CEPT1: variants seen among roughly 807,000 people sequenced by gnomAD.
CEPT1 encodes the protein choline/ethanolaminephosphotransferase 1.
CEPT1 carries 7 observed loss-of-function variants against 42.6 expected under a neutral mutation model. The observed-to-expected ratio is 0.16, with a 90% CI of 0.09 to 0.31. CEPT1 has a LOEUF of 0.31. Among genes scored for constraint, CEPT1 ranks in the 10% least tolerant of loss-of-function variants. The pLI, the probability that CEPT1 is intolerant of heterozygous loss-of-function variation, is 1.00. For missense variants in CEPT1, 306 were observed against 502.1 expected (o/e 0.61, Z 3.73); for synonymous variants, 171 against 171.9 (o/e 0.99, Z 0.04).
intron 7 of CEPT1, 43 bp downstream of exon 7, chr1:111,183,000 C>A (rs1657065755): frequency 1.3e-6 from 2 of 1,577,042 alleles, no homozygotes; most frequent in Non-Finnish European, 1.7e-6. Context: ...TCACTTTCAT[C>A]TTATTTTGGA....
intron 2 of CEPT1, among the ~76,000 whole-genome samples, chr1:111,150,978 C>T (rs1305008479): frequency 6.6e-6 from 1 of 152,120 alleles, no homozygotes; most frequent in Non-Finnish European, 1.5e-5. Flanking sequence ...CACCTTGCCT[C>T]CATCCACAAA....
At chr1:111,184,057 A>G in intron 8 of CEPT1, 134 bp from the exon 9 acceptor site, 1 of 939,936 alleles carries the variant, frequency 1.1e-6, no homozygotes, top group Non-Finnish European at 1.6e-6. Context: ...TGTGAAGGAA[A>G]GATTGCAAGG....
chr1:111,158,366 A>T (rs666954), intron 2 of CEPT1, among the ~76,000 whole-genome samples: 29,474 of 136,910 alleles, frequency 0.22, 3,131 homozygotes, highest in South Asian at 0.4. Flanking sequence ...ATAAATAAAT[A>T]AATTAATTAA....
intron 5 of CEPT1, 69 bp downstream of exon 5, chr1:111,175,032 A>G (rs958799115): frequency 2.0e-5 from 19 of 948,802 alleles, no homozygotes; most frequent in Non-Finnish European, 3.1e-5. Flanking sequence ...CTAATATGGG[A>G]TAATCCAGTT....
chr1:111,152,523 A>G (rs1655336007), intron 2 of CEPT1, among the ~76,000 whole-genome samples: 1 of 152,230 alleles, frequency 6.6e-6, no homozygotes, highest in Admixed American at 6.5e-5. Context: ...CAACATGTGG[A>G]ACACACAGTA....
rs1254267760 is a variant in CEPT1, at chr1:111,158,944, C to T, written c.340-436C>T. On this transcript the variant is annotated intron_variant, in intron 2 of 8. Transcript: ENST00000357172. ...TTTTTTTTTTTTTGAGACGGAGTCT[C>T]GCTCTGTCGCCCAGGCTGGAGTGCA... 2.0e-4 allele frequency among the ~76,000 whole-genome samples: 21 copies of T among 107,042 alleles called. No individual in the cohort carries two copies. The East Asian group carries it at 2.1e-3, about 10-fold the overall frequency. The allele number at this position is 107,042 out of a possible 152,430, so 70.2% of individuals were successfully genotyped here.
intron 3 of CEPT1, 63 bp downstream of exon 3, chr1:111,159,590 T>C: frequency 1.6e-6 from 2 of 1,280,170 alleles, no homozygotes; most frequent in East Asian, 5.2e-5. Context: ...TGCTAAGCAG[T>C]GTTAGAATAC....
intron 1 of CEPT1, among the ~76,000 whole-genome samples, chr1:111,143,811 C>A (rs977992868): frequency 1.3e-5 from 2 of 152,034 alleles, no homozygotes; most frequent in African/African-American, 4.8e-5. Flanking sequence ...GATCATGGCT[C>A]ACTGCAGCCT....
intron 1 of CEPT1, 51 bp from the exon 2 acceptor site, chr1:111,147,591 A>G (rs1399635035): frequency 4.7e-6 from 3 of 636,604 alleles, no homozygotes; most frequent in Middle Eastern, 4.2e-4. Flanking sequence ...TAAGATGTAA[A>G]TAGTGGCCAA....
intron 4 of CEPT1, among the ~76,000 whole-genome samples, chr1:111,163,403 G>A (rs1655970547): frequency 6.6e-6 from 1 of 152,202 alleles, no homozygotes; most frequent in South Asian, 2.1e-4. Context: ...CCCGAGGAAA[G>A]AGGATCACTT....
chr1:111,173,051 G>T (rs1171178258), intron 4 of CEPT1: 2 of 152,076 alleles, frequency 1.3e-5, no homozygotes, highest in East Asian at 3.9e-4. Flanking sequence ...AAGATTAATT[G>T]CATGAGGTTC....
chr1:111,167,449 A>G, intron 4 of CEPT1: 1 of 870,702 alleles, frequency 1.1e-6, no homozygotes, highest in Non-Finnish European at 1.4e-6. Flanking sequence ...TATTGTGCCT[A>G]TTATTTTTAT....
intron 4 of CEPT1, among the ~76,000 whole-genome samples, chr1:111,169,041 A>G (rs1656284856): frequency 6.6e-6 from 1 of 152,176 alleles, no homozygotes; most frequent in Non-Finnish European, 1.5e-5. Flanking sequence ...ACCTCACACA[A>G]TGTAAATGCC....
intron 7 of CEPT1, 102 bp downstream of exon 7, chr1:111,183,059 T>G: frequency 1.7e-6 from 2 of 1,192,216 alleles, no homozygotes; most frequent in Non-Finnish European, 2.4e-6. Context: ...GTCCTAGAGT[T>G]TGCCCTCTTC....
chr1:111,156,776 T>G (rs1420516453), intron 2 of CEPT1, among the ~76,000 whole-genome samples: 1 of 152,192 alleles, frequency 6.6e-6, no homozygotes, highest in Non-Finnish European at 1.5e-5. Context: ...ATTACTCTTG[T>G]ACTAGCATGT....
At chr1:111,154,187 GTATTTTATTTTATTTTATTTTATTT>G (rs201981261) in intron 2 of CEPT1, among the ~76,000 whole-genome samples, 24,265 of 131,092 alleles carry the variant, frequency 0.19, 2,882 homozygotes, top group South Asian at 0.36. Flanking sequence ...TTATTCCCAA[GTATTTTATTTTATTTTATTTTATTT>G]TATTTTATTT....
chr1:111,163,932 A>T (rs1274060576), intron 4 of CEPT1, among the ~76,000 whole-genome samples: 1 of 152,194 alleles, frequency 6.6e-6, no homozygotes, highest in African/African-American at 2.4e-5. Context: ...TCTTATTTTT[A>T]AACATGCTTA....
upstream of CEPT1, chr1:111,140,057 C>CT: frequency 6.6e-6 from 1 of 152,480 alleles, no homozygotes; most frequent in East Asian, 1.9e-4. Context: ...CCGACTAGCG[C>CT]TGGCCGCTGG....
intron 2 of CEPT1, among the ~76,000 whole-genome samples, chr1:111,153,501 T>C (rs1655397280): frequency 6.6e-6 from 1 of 152,206 alleles, no homozygotes; most frequent in Admixed American, 6.5e-5. Flanking sequence ...CTTTAGTTTT[T>C]CTTGCCTGTG....
Sources: gnomAD v4.1 joint callset for allele counts (sites outside exome capture counted in the v4.1 genomes callset) on GRCh38, gnomAD v4.1.1 for gene constraint, MANE v1.5 for transcripts, NCBI Gene and HGNC (gene_info 2026-07-23, HGNC 2026-07-21) for gene names.